The following SMIM27 variants were observed in gnomAD, a reference collection of about 807,000 sequenced individuals.
SMIM27 encodes the protein TOPORS antisense RNA 1 (non-protein coding).
Under a neutral mutation model 1.8 loss-of-function variants are expected in SMIM27, and 3 were observed. The ratio of observed to expected loss-of-function variants is 1.65; its 90% CI spans 0.75 to 4.28. The LOEUF is 4.28. Among genes scored for constraint, SMIM27 ranks in the 30% most tolerant of loss-of-function variants. SMIM27 has a pLI of 0.02. For missense variants in SMIM27, 63 were observed against 37.0 expected, an observed-to-expected ratio of 1.70 and a Z score of -1.83; for synonymous variants, 19 against 13.9, an observed-to-expected ratio of 1.37 and a Z score of -0.82.
At chr9:32,556,094 G>T (rs1047338440), downstream of SMIM27, among the ~76,000 whole-genome samples, 1 of 150,226 alleles carries the variant, frequency 6.7e-6, no homozygotes. Flanking sequence ...TGGGGCCGGG[G>T]TGCAATGATG....
chr9:32,565,160 G>A (rs1448439420), intron 1 of SMIM27, among the ~76,000 whole-genome samples: 1 of 152,088 alleles, frequency 6.6e-6, no homozygotes, highest in African/African-American at 2.4e-5. Context: ...AGCCATGGTG[G>A]CGGACACCTG....
upstream of SMIM27, chr9:32,551,917 TG>T: frequency 3.2e-6 from 1 of 316,488 alleles, no homozygotes; most frequent in South Asian, 2.3e-5. Flanking sequence ...TATAAAAGAG[TG>T]GGTGGTATTT....
At position 32,566,362 on chromosome 9, in the gene SMIM27, T is replaced by C. The variant is rs552436451; in HGVS notation, c.46-29T>C. ...GCTTCCACCAGTGTAGGAATGATGG[T>C]GCGTTTTTGTTTCCACTATGTGATC... On this transcript the variant is annotated intron_variant, in intron 1 of 1. Transcript: ENST00000451672. The C allele has an allele frequency of 5.9e-6, 7 of 1,184,778 alleles. No homozygotes were observed. The South Asian group carries it at 7.3e-5, about 12-fold the overall frequency. The allele number at this position is 1,184,778 out of a possible 1,614,324, so 73.4% of individuals were successfully genotyped here.
downstream of SMIM27, among the ~76,000 whole-genome samples, chr9:32,555,541 T>C (rs981094517): frequency 1.3e-5 from 2 of 152,232 alleles, no homozygotes; most frequent in African/African-American, 4.8e-5. Context: ...CATGAGACAC[T>C]GACTAGAAGT....
chr9:32,563,956 C>T (rs1821703933), intron 1 of SMIM27, among the ~76,000 whole-genome samples: 1 of 152,190 alleles, frequency 6.6e-6, no homozygotes, highest in African/African-American at 2.4e-5. Context: ...GTTCCAAGCT[C>T]ATCTTATACT....
At chr9:32,563,326 CTTTTT>C (rs964142546) in intron 1 of SMIM27, among the ~76,000 whole-genome samples, 1 of 148,388 alleles carries the variant, frequency 6.7e-6, no homozygotes, top group Non-Finnish European at 1.5e-5. Flanking sequence ...TTAGCATCCT[CTTTTT>C]TTTTTAATTT....
chr9:32,552,629 G>A (rs1821322004), intron 1 of SMIM27, 150 bp downstream of exon 1: 5 of 716,436 alleles, frequency 7.0e-6, no homozygotes, highest in Admixed American at 2.1e-5. Flanking sequence ...CTTCCTGGAG[G>A]ATACGATCTT....
chr9:32,558,117 A>AT lies in SMIM27; in HGVS notation c.45+5650dup, dbSNP rs74178816. 9.6e-4 allele frequency among the ~76,000 whole-genome samples: 130 copies of AT among 135,230 alleles called. 8 individuals are homozygous for AT. In the South Asian group the frequency reaches 0.016, roughly 17 times the overall value. The allele number at this position is 135,230 out of a possible 152,430, so 88.7% of individuals were successfully genotyped here. On this transcript the variant is annotated intron_variant, in intron 1 of 1. Coordinates refer to the SMIM27 transcript ENST00000451672. ...TATAGCTCACACATTCATAGTATACATTTTTTTTTTTTGAGACGGAGTCTC... is the reference window on the plus strand; with the variant it reads ...TATAGCTCACACATTCATAGTATACATTTTTTTTTTTTTGAGACGGAGTCTC...
intron 1 of SMIM27, chr9:32,558,798 A>C: frequency 2.8e-6 from 2 of 724,490 alleles, no homozygotes; most frequent in Non-Finnish European, 4.4e-6. Flanking sequence ...ACAGGGACTT[A>C]AACCGAAAGT....
At chr9:32,557,358 G>C (rs1821493146), downstream of SMIM27, among the ~76,000 whole-genome samples, 2 of 151,592 alleles carry the variant, frequency 1.3e-5, 1 homozygote. Flanking sequence ...TAGTACAGAT[G>C]GTGTTTCACC....
chr9:32,557,637 G>A, downstream of SMIM27, among the ~76,000 whole-genome samples: 1 of 150,870 alleles, frequency 6.6e-6, no homozygotes, highest in East Asian at 2.0e-4. Context: ...CCGCCACCAC[G>A]CACGGTAATT....
chr9:32,551,984 G>A (rs974492291), upstream of SMIM27, among the ~76,000 whole-genome samples: 1 of 152,042 alleles, frequency 6.6e-6, no homozygotes, highest in Non-Finnish European at 1.5e-5. Context: ...ATCAGATGCG[G>A]GGAGGCGTGG....
chr9:32,562,778 A>G (rs187987431), intron 1 of SMIM27, among the ~76,000 whole-genome samples: 312 of 152,290 alleles, frequency 2.0e-3, no homozygotes, highest in African/African-American at 7.1e-3. Flanking sequence ...AATCTTCTCA[A>G]TTGTCTCAAT....
chr9:32,551,406 C>G (rs1452952340), upstream of SMIM27: 14 of 326,296 alleles, frequency 4.3e-5, no homozygotes, highest in South Asian at 2.8e-4. Context: ...AGGAGTCCAA[C>G]GGGATCCCAA....
Position 32,565,944 on chromosome 9 carries a change from C to G in SMIM27, c.46-447C>G, listed in dbSNP as rs1821772989. On this transcript the variant is annotated intron_variant, in intron 1 of 1. Coordinates refer to the SMIM27 transcript ENST00000451672. ...CCAGGATCACACTACTACACTCCAG[C>G]CTGGGCAACGAAAGTGAAACTCCAC... is the stretch of plus-strand genomic sequence containing the variant. Among the ~76,000 whole-genome samples, 3 of 152,146 alleles carry G rather than the reference C, an allele frequency of 2.0e-5. No individual in the cohort carries two copies. In the South Asian group the frequency reaches 6.2e-4, roughly 32 times the overall value.
chr9:32,552,880 A>G lies in SMIM27; in HGVS notation c.125A>G (p.Lys42Arg), dbSNP rs554234544. Reference sequence around the variant, plus strand: ...GTGTCTGCAAGACGACAGCTAAGGAAGAAATACCCAGACAAAATCTTTGGG... The same window carrying G: ...GTGTCTGCAAGACGACAGCTAAGGAGGAAATACCCAGACAAAATCTTTGGG... Reference protein sequence around the residue: ...SMVSARRQLRKKYPDKIFGTN... With the variant: ...SMVSARRQLRRKYPDKIFGTN... Residue 42 changes from lysine (K) to arginine (R), a missense_variant, in exon 2 of 2, where the codon AAG becomes AGG. Lys to Arg is a conservative substitution (Grantham distance 26, BLOSUM62 2). Coordinates refer to ENST00000692500, the MANE Select transcript of SMIM27 (RefSeq NM_001387564.1). 8.8e-4 allele frequency: 617 copies of G among 702,748 alleles called. No individual in the cohort carries two copies. The highest frequency in any genetic ancestry group is 1.3e-3 in the Non-Finnish European group (505 of 384,834). The allele number at this position is 702,748 out of a possible 1,614,324, so 43.5% of individuals were successfully genotyped here.
chr9:32,552,522 G>A (rs1176754673), intron 1 of SMIM27, 43 bp downstream of exon 1: 1 of 1,548,908 alleles, frequency 6.5e-7, no homozygotes, highest in Non-Finnish European at 8.8e-7. Context: ...TCGACTCACT[G>A]GGCCCGCAGG....
chr9:32,558,442 G>C (rs902709008), intron 1 of SMIM27, among the ~76,000 whole-genome samples: 1 of 152,172 alleles, frequency 6.6e-6, no homozygotes, highest in African/African-American at 2.4e-5. Context: ...CCCATTAGTG[G>C]ATATTAAATT....
chr9:32,566,189 T>C, intron 1 of SMIM27: 1 of 751,666 alleles, frequency 1.3e-6, no homozygotes, highest in Non-Finnish European at 2.4e-6. Flanking sequence ...TTCAACCTTG[T>C]CTGGGGTTTG....
Sources: gnomAD v4.1 joint callset for allele counts (sites outside exome capture counted in the v4.1 genomes callset) on GRCh38, gnomAD v4.1.1 for gene constraint, MANE v1.5 for transcripts, NCBI Gene and HGNC (gene_info 2026-07-23, HGNC 2026-07-21) for gene names.